The following LOC128462377 variants were observed in gnomAD, a reference collection of about 807,000 sequenced individuals.
chr16:89,375,525 T>C, the LOC128462377 span, among the ~76,000 whole-genome samples: 2 of 151,868 alleles, frequency 1.3e-5, no homozygotes, highest in Non-Finnish European at 2.9e-5. Flanking sequence ...AGTGGCACGA[T>C]CTTGGCTCGC....
the LOC128462377 span, among the ~76,000 whole-genome samples, chr16:89,379,275 G>A: frequency 2.0e-5 from 3 of 152,194 alleles, no homozygotes; most frequent in Admixed American, 6.5e-5. Flanking sequence ...AAAACTTAGG[G>A]CTTTCTCACA....
chr16:89,405,879 G>A, the LOC128462377 span, among the ~76,000 whole-genome samples: 21 of 152,156 alleles, frequency 1.4e-4, no homozygotes, highest in East Asian at 2.5e-3. Flanking sequence ...GGGAGCCAAC[G>A]CCGGCAGATC....
At chr16:89,414,021 C>T in the LOC128462377 span, among the ~76,000 whole-genome samples, 1 of 149,364 alleles carries the variant, frequency 6.7e-6, no homozygotes, top group African/African-American at 2.5e-5. Context: ...CAGCCACCAC[C>T]ACGGGCCTGC....
chr16:89,398,562 T>TAAA, the LOC128462377 span, among the ~76,000 whole-genome samples: 7 of 151,882 alleles, frequency 4.6e-5, no homozygotes, highest in Admixed American at 2.6e-4. Context: ...TAAAAAAAAT[T>TAAA]TTTTTTTAAC....
chr16:89,361,322 C>T, the LOC128462377 span, among the ~76,000 whole-genome samples: 2 of 152,334 alleles, frequency 1.3e-5, no homozygotes, highest in Admixed American at 6.5e-5. Context: ...ACCATCACAG[C>T]GCCGGGGGCG....
the LOC128462377 span, among the ~76,000 whole-genome samples, chr16:89,346,742 G>C: frequency 1.3e-5 from 2 of 152,214 alleles, no homozygotes; most frequent in African/African-American, 4.8e-5. Context: ...GTGGTTGTTA[G>C]AGGGAAATGT....
the LOC128462377 span, among the ~76,000 whole-genome samples, chr16:89,395,280 G>C: frequency 2.0e-5 from 3 of 152,248 alleles, no homozygotes; most frequent in Admixed American, 1.3e-4. Context: ...TACTGCCAGA[G>C]GAATGGGCTG....
the LOC128462377 span, among the ~76,000 whole-genome samples, chr16:89,386,031 C>A: frequency 6.6e-6 from 1 of 152,232 alleles, no homozygotes; most frequent in South Asian, 2.1e-4. Context: ...GGGTGTGCGC[C>A]GCCATGCCCG....
At chr16:89,394,629 C>CA in the LOC128462377 span, among the ~76,000 whole-genome samples, 401 of 140,226 alleles carry the variant, frequency 2.9e-3, 2 homozygotes, top group African/African-American at 7.5e-3. Context: ...ACTCTGTCTC[C>CA]AAAAAAAAAA....
chr16:89,378,936 G>T, the LOC128462377 span, among the ~76,000 whole-genome samples: 2 of 152,222 alleles, frequency 1.3e-5, no homozygotes, highest in African/African-American at 2.4e-5. Context: ...GAGGTGGGAA[G>T]GGCTTTCCAA....
chr16:89,318,073 G>A, the LOC128462377 span, among the ~76,000 whole-genome samples: 2 of 152,190 alleles, frequency 1.3e-5, no homozygotes, highest in South Asian at 4.1e-4. Flanking sequence ...AGGCAGTTGG[G>A]GGAGGCCTTC....
At chr16:89,415,015 G>A in the LOC128462377 span, among the ~76,000 whole-genome samples, 2 of 152,160 alleles carry the variant, frequency 1.3e-5, no homozygotes, top group East Asian at 3.9e-4. Flanking sequence ...TGTGATCATA[G>A]CTCACTGCAG....
chr16:89,393,290 C>G, the LOC128462377 span, among the ~76,000 whole-genome samples: 1 of 151,140 alleles, frequency 6.6e-6, no homozygotes, highest in African/African-American at 2.4e-5. Flanking sequence ...TTAGTTTCCT[C>G]TTTTTTTTAC....
chr16:89,365,616 T>C, the LOC128462377 span, among the ~76,000 whole-genome samples: 113 of 152,334 alleles, frequency 7.4e-4, 1 homozygote, highest in African/African-American at 2.6e-3. Flanking sequence ...GTATGTTCAC[T>C]CAAGAAAGGG....
the LOC128462377 span, among the ~76,000 whole-genome samples, chr16:89,328,548 C>A: frequency 1.3e-5 from 2 of 150,834 alleles, no homozygotes; most frequent in Admixed American, 6.6e-5. Context: ...ATGGGTGAAT[C>A]TGCAGAGGCC....
chr16:89,380,273 T>C, the LOC128462377 span, among the ~76,000 whole-genome samples: 1 of 152,144 alleles, frequency 6.6e-6, no homozygotes, highest in East Asian at 1.9e-4. Flanking sequence ...CCACGACGCC[T>C]GGCTAATTCT....
the LOC128462377 span, among the ~76,000 whole-genome samples, chr16:89,368,286 C>T: frequency 6.6e-6 from 1 of 151,706 alleles, no homozygotes; most frequent in Non-Finnish European, 1.5e-5. Context: ...ACCTCCGCCT[C>T]CCAGGTTACA....
At chr16:89,385,866 T>C in the LOC128462377 span, among the ~76,000 whole-genome samples, 1 of 152,154 alleles carries the variant, frequency 6.6e-6, no homozygotes, top group African/African-American at 2.4e-5. Flanking sequence ...CGCCAAGAGC[T>C]CCATTTGTGA....
chr16:89,396,870 A>G, the LOC128462377 span, among the ~76,000 whole-genome samples: 1 of 152,096 alleles, frequency 6.6e-6, no homozygotes, highest in Non-Finnish European at 1.5e-5. Context: ...TATTTTTAGT[A>G]AAGACGGGGT....
Sources: gnomAD v4.1 joint callset for allele counts (sites outside exome capture counted in the v4.1 genomes callset) on GRCh38, gnomAD v4.1.1 for gene constraint, MANE v1.5 for transcripts.